The following TFAP2A variants were observed in gnomAD, a reference collection of about 807,000 sequenced individuals.
The protein encoded by TFAP2A is transcription factor AP-2 alpha, also known as transcription factor AP-2-alpha.
A neutral mutation model predicts 41.5 loss-of-function variants in TFAP2A; 7 were observed. The ratio of observed to expected loss-of-function variants is 0.17; its 90% CI spans 0.10 to 0.32. The LOEUF (loss-of-function observed/expected upper bound fraction) is 0.32. TFAP2A is among the 10% of genes least tolerant of loss of function. The pLI is 1.00. For synonymous variants in TFAP2A, 247 were observed against 242.8 expected (o/e 1.02, Z -0.16); for missense variants, 416 against 563.3 (o/e 0.74, Z 2.65).
chr6:10,409,938 G>T lies in TFAP2A; in HGVS notation c.449C>A (p.Ser150Ter). The T allele has an allele frequency of 6.4e-7, 1 of 1,557,754 alleles. No homozygotes were observed. The highest frequency in any genetic ancestry group is 8.7e-7 in the Non-Finnish European group (1 of 1,150,502). Residue 150 changes from serine (S) to a stop codon, truncating the protein, a stop_gained, in exon 2 of 7, where the codon TCG (serine) becomes TAG (stop). Transcript: ENST00000379613. LOFTEE classifies it high-confidence loss of function. ...GATGGCGTGAGGTAAGGAGTGGATCGAGAGGTCTCCGAGTCCTGAGCTGAG... is the reference window on the plus strand; with the variant it reads ...GATGGCGTGAGGTAAGGAGTGGATCTAGAGGTCTCCGAGTCCTGAGCTGAG... ...HALSSGLGDL[S>*]IHSLPHAIEE...
chr6:10,409,546 TCTC>T (rs1757857328), intron 2 of TFAP2A: 1 of 267,776 alleles, frequency 3.7e-6, no homozygotes. Context: ...CAGGGAGAAA[TCTC>T]CACGCCAGAC....
chr6:10,400,710 C>T, intron 5 of TFAP2A, 121 bp from the exon 6 acceptor site: 2 of 1,171,792 alleles, frequency 1.7e-6, no homozygotes, highest in African/African-American at 1.5e-5. Context: ...ACACAAACTA[C>T]TTGTTTTCTC....
At chr6:10,419,062 C>A (rs550353417), upstream of TFAP2A, among the ~76,000 whole-genome samples, 2 of 152,194 alleles carry the variant, frequency 1.3e-5, no homozygotes, top group African/African-American at 2.4e-5. Context: ...CTCCCTCCCC[C>A]CTTCCGAATT....
At position 10,398,561 on chromosome 6, in the gene TFAP2A, C is replaced by A; in HGVS notation, c.1176G>T (p.Ala392=). Residue 392 remains alanine (A), a synonymous_variant, in exon 7 of 7, where the codon GCG becomes GCT. Transcript: ENST00000379613. This position sits in a 1 kb window ranked among gnomAD's most constrained non-coding sequence, Gnocchi z 5.3. ...GCAGGGCCGTGACCGCGGCACACAC[C>A]GCGGGGCTGCCGAAGCCGTGGGAGA... ...NLISHGFGSP[A]VCAAVTALQN... 6.2e-7 allele frequency: 1 copy of A among 1,614,184 alleles called. No homozygotes were observed. The highest frequency in any genetic ancestry group is 1.1e-5 in the South Asian group (1 of 91,078).
At chr6:10,419,467 TG>T (rs747120472), upstream of TFAP2A, 5 of 1,613,724 alleles carry the variant, frequency 3.1e-6, no homozygotes, top group South Asian at 2.2e-5. Context: ...TCTGCGCTCC[TG>T]GCGACTGGTC....
chr6:10,402,470 G>A, intron 5 of TFAP2A, 22 bp downstream of exon 5: 1 of 1,548,884 alleles, frequency 6.5e-7, no homozygotes. Context: ...GTTCCTTCTA[G>A]TTAGCAAGTG....
chr6:10,398,824 A>G lies in TFAP2A; in HGVS notation c.1032-119T>C. 8.3e-7 allele frequency: 1 copy of G among 1,209,698 alleles called. No individual in the cohort carries two copies. The highest frequency in any genetic ancestry group is 1.2e-6 in the Non-Finnish European group (1 of 865,204). The allele number at this position is 1,209,698 out of a possible 1,614,324, so 74.9% of individuals were successfully genotyped here. On this transcript the variant is annotated intron_variant, in intron 6 of 6. Transcript: ENST00000379613. The surrounding 1 kb of genome is among the most constrained non-coding windows in gnomAD (Gnocchi z 5.3). ...TGCCGGGATCCAGCCGGTACCTGACATGACCCAAGACCCCAGAGACAGACA... is the reference window on the plus strand; with the variant it reads ...TGCCGGGATCCAGCCGGTACCTGACGTGACCCAAGACCCCAGAGACAGACA...
intron 4 of TFAP2A, 152 bp from the exon 5 acceptor site, chr6:10,402,762 T>C: frequency 3.0e-6 from 2 of 675,266 alleles, no homozygotes; most frequent in Non-Finnish European, 2.6e-6. Context: ...CTAGGAATAG[T>C]ACAGAAGTTC....
upstream of TFAP2A, chr6:10,415,259 T>G: frequency 7.0e-7 from 1 of 1,434,984 alleles, no homozygotes; most frequent in Non-Finnish European, 9.1e-7. Flanking sequence ...GATCTCCCTC[T>G]AATGGTAGAA....
In TFAP2A at chr6:10,410,130, G is replaced by C; in HGVS notation, c.257C>G (p.Pro86Arg). ...CTGCGGCTGCGGCTGGGCGTGCAGG[G>C]GGTTCAGGCTGTAGGGGTCGTTGAC... ...SHVNDPYSLN[P>R]LHAQPQPQHP... Residue 86 changes from proline (P) to arginine (R), a missense_variant, in exon 2 of 7, where the codon CCC becomes CGC. Coordinates refer to ENST00000379613, the MANE Select transcript of TFAP2A (RefSeq NM_001372066.1). 1 of 1,612,518 alleles carries C rather than the reference G, an allele frequency of 6.2e-7. No homozygotes were observed. Among genetic ancestry groups the C allele is most frequent in the East Asian group, 2.2e-5 (1 of 44,840 alleles).
chr6:10,406,528 A>T, intron 3 of TFAP2A: 1 of 525,800 alleles, frequency 1.9e-6, no homozygotes, highest in Non-Finnish European at 3.4e-6. Flanking sequence ...AATCAGTTCA[A>T]CTACTGTACA....
At chr6:10,412,121 C>T in intron 1 of TFAP2A, 1 of 994,858 alleles carries the variant, frequency 1.0e-6, no homozygotes, top group Non-Finnish European at 1.2e-6. Context: ...GCGCCGGAGC[C>T]GGCTCTCAAT....
chr6:10,412,725 T>C, intron 1 of TFAP2A: 2 of 307,740 alleles, frequency 6.5e-6, no homozygotes, highest in South Asian at 4.6e-5. Context: ...CTCCGCCGCT[T>C]CGCAGCCGAG....
At chr6:10,411,205 G>A (rs1349179869) in intron 1 of TFAP2A, among the ~76,000 whole-genome samples, 1 of 152,156 alleles carries the variant, frequency 6.6e-6, no homozygotes, top group Non-Finnish European at 1.5e-5. Flanking sequence ...AGGGTAGGGG[G>A]CACACCGCGC....
chr6:10,402,651 T>G (rs1193300112), intron 4 of TFAP2A, 41 bp from the exon 5 acceptor site: 7 of 1,451,012 alleles, frequency 4.8e-6, no homozygotes, highest in Non-Finnish European at 6.8e-6. Flanking sequence ...TTAGAAAACA[T>G]TGGGTTGCTC....
upstream of TFAP2A, among the ~76,000 whole-genome samples, chr6:10,417,372 A>T (rs527527075): frequency 2.6e-5 from 4 of 152,306 alleles, no homozygotes; most frequent in South Asian, 8.3e-4. Context: ...GCAGATTGGG[A>T]CCTGCCGGCT....
intron 4 of TFAP2A, among the ~76,000 whole-genome samples, chr6:10,404,290 G>A (rs1020286547): frequency 6.6e-6 from 1 of 152,232 alleles, no homozygotes; most frequent in Non-Finnish European, 1.5e-5. Flanking sequence ...TCGCTCGCGG[G>A]AAAGCAGCGG....
chr6:10,399,349 A>G (rs1313833541), intron 6 of TFAP2A, among the ~76,000 whole-genome samples: 1 of 152,212 alleles, frequency 6.6e-6, no homozygotes, highest in Non-Finnish European at 1.5e-5. Context: ...TGGGAAGAAG[A>G]AACAGACATT....
Position 10,398,566 on chromosome 6 carries a change from G to A in TFAP2A, c.1171C>T (p.Pro391Ser), listed in dbSNP as rs1353656280. Residue 391 changes from proline (P) to serine (S), a missense_variant, in exon 7 of 7, where the codon CCC (proline) becomes TCC (serine). By Grantham distance (74) the Pro-to-Ser change is moderately conservative. Around this residue, in one of 3 missense-constraint regions of TFAP2A, gnomAD observed 116 missense variants for 153.8 expected, o/e 0.75. Transcript: ENST00000379613. The surrounding 1 kb of genome is among the most constrained non-coding windows in gnomAD (Gnocchi z 5.3). ...FNLISHGFGS[P>S]AVCAAVTALQ... ...GCCGTGACCGCGGCACACACCGCGG[G>A]GCTGCCGAAGCCGTGGGAGATGAGG... is the stretch of plus-strand genomic sequence containing the variant. The A allele has an allele frequency of 3.1e-6, 5 of 1,614,124 alleles. No homozygotes were observed. The South Asian group carries it at 5.5e-5, about 18-fold the overall frequency.
Sources: allele counts gnomAD v4.1 joint callset (sites outside exome capture counted in the v4.1 genomes callset), GRCh38; gene constraint gnomAD v4.1.1; regional missense constraint gnomAD v4.1.1; non-coding constraint Gnocchi (gnomAD v3.1); transcripts MANE v1.5; gene names NCBI Gene and HGNC (gene_info 2026-07-23, HGNC 2026-07-21).